The following TAF5L variants were observed in gnomAD, a reference collection of about 807,000 sequenced individuals.
TAF5L encodes the protein TAF5-like RNA polymerase II p300/CBP-associated factor-associated factor 65 kDa subunit 5L.
A neutral mutation model predicts 51.3 loss-of-function variants in TAF5L; 7 were observed. The ratio of observed to expected loss-of-function variants is 0.14; its 90% CI spans 0.08 to 0.26. The LOEUF is 0.26. Ranked by LOEUF, TAF5L falls within the 10% of genes least tolerant of loss-of-function variation. The pLI is 1.00. For synonymous variants in TAF5L, 291 were observed against 308.1 expected, an observed-to-expected ratio of 0.94 and a Z score of 0.58; for missense variants, 575 against 758.9, an observed-to-expected ratio of 0.76 and a Z score of 2.85.
intron 3 of TAF5L, among the ~76,000 whole-genome samples, chr1:229,609,102 G>T (rs72751755): frequency 0.26 from 39,571 of 152,192 alleles, 5,730 homozygotes; most frequent in South Asian, 0.41. Flanking sequence ...TGCCAGGATA[G>T]ATATTGTCCT....
At position 229,594,054 on chromosome 1, in the gene TAF5L, T is replaced by A; in HGVS notation, c.*243A>T. The A allele has an allele frequency of 2.1e-6, 1 of 471,564 alleles. No homozygotes were observed. Among genetic ancestry groups the A allele is most frequent in the Non-Finnish European group, 3.9e-6 (1 of 256,586 alleles). The allele number at this position is 471,564 out of a possible 1,614,324, so 29.2% of individuals were successfully genotyped here. On this transcript the variant is annotated 3_prime_UTR_variant, in exon 5 of 5. Coordinates refer to ENST00000258281, the Ensembl canonical transcript of TAF5L. The surrounding 1 kb of genome is among the most constrained non-coding windows in gnomAD (Gnocchi z 7.9). Reference sequence around the variant, plus strand: ...ACGGCAGAGTCTCCATGAGGACTTGTGAGTGACCTCCAGGGCACTCTAATT... The same window carrying A: ...ACGGCAGAGTCTCCATGAGGACTTGAGAGTGACCTCCAGGGCACTCTAATT...
chr1:229,596,311 C>T (rs1664123883), intron 4 of TAF5L, among the ~76,000 whole-genome samples: 1 of 151,998 alleles, frequency 6.6e-6, no homozygotes, highest in Non-Finnish European at 1.5e-5. Context: ...CAAACAAAAC[C>T]CAGAACTATC....
At chr1:229,596,141 G>A (rs1313369007) in intron 4 of TAF5L, among the ~76,000 whole-genome samples, 1 of 152,136 alleles carries the variant, frequency 6.6e-6, no homozygotes, top group Non-Finnish European at 1.5e-5. Flanking sequence ...GGGCATGGTG[G>A]CGCATGCCTG....
chr1:229,600,412 C>T, intron 4 of TAF5L: 1 of 985,348 alleles, frequency 1.0e-6, no homozygotes, highest in Non-Finnish European at 1.2e-6. Flanking sequence ...TTAAACAAAA[C>T]CACCATTCCA....
chr1:229,604,778 A>T (rs1486486120), intron 3 of TAF5L, among the ~76,000 whole-genome samples: 1 of 152,184 alleles, frequency 6.6e-6, no homozygotes, highest in Non-Finnish European at 1.5e-5. Context: ...CATGAATACC[A>T]GCAACCACCA....
At position 229,594,185 on chromosome 1, in the gene TAF5L, A is replaced by T. The variant is rs1664025384; in HGVS notation, c.*112T>A. On this transcript the variant is annotated 3_prime_UTR_variant, in exon 5 of 5. Transcript: ENST00000258281. This position sits in a 1 kb window ranked among gnomAD's most constrained non-coding sequence, Gnocchi z 7.9. ...CCTGCCCGGAATGAGGGCCCAGGAG[A>T]GAGGGGAGGAGGGGGCTCTTTCACA... 8.1e-7 allele frequency: 1 copy of T among 1,238,690 alleles called. No individual in the cohort carries two copies. The highest frequency in any genetic ancestry group is 1.5e-5 in the South Asian group (1 of 64,790). The allele number at this position is 1,238,690 out of a possible 1,614,324, so 76.7% of individuals were successfully genotyped here. A position where few individuals can be genotyped will look rare whatever the true frequency, so the allele number is the denominator to read the frequency against.
chr1:229,602,534 G>A lies in TAF5L; in HGVS notation c.633C>T (p.Ala211=), dbSNP rs1558146712. The A allele has an allele frequency of 1.9e-6, 3 of 1,614,186 alleles. No individual in the cohort carries two copies. Among genetic ancestry groups the A allele is most frequent in the Non-Finnish European group, 2.5e-6 (3 of 1,180,030 alleles). Residue 211 remains alanine, a synonymous_variant, in exon 4 of 5, where the codon GCC becomes GCT. Transcript: ENST00000258281. The surrounding 1 kb of genome is among the most constrained non-coding windows in gnomAD (Gnocchi z 4.6). ...TCTCACTGCGGGAGGAGCTGCCACT[G>A]GCATACAGCTGATAGTCTGTTCTCT...
chr1:229,606,478 G>A (rs1392531950), intron 3 of TAF5L: 1 of 985,212 alleles, frequency 1.0e-6, no homozygotes, highest in African/African-American at 1.7e-5. Context: ...TGAGTTCATG[G>A]AAATTAGTAG....
chr1:229,608,424 T>C (rs1314614627), intron 3 of TAF5L, among the ~76,000 whole-genome samples: 2 of 152,212 alleles, frequency 1.3e-5, no homozygotes, highest in African/African-American at 4.8e-5. Flanking sequence ...GTTCCATTAA[T>C]TCTGCATATC....
Position 229,606,741 on chromosome 1 carries a change from T to A in TAF5L, c.247+3365A>T, listed in dbSNP as rs1664609337. 3 of 985,324 alleles carry A rather than the reference T, an allele frequency of 3.0e-6. No homozygotes were observed. The Admixed American group carries it at 1.8e-4, about 61-fold the overall frequency. 61.0% of individuals were successfully genotyped at this position (985,324 alleles called of 1,614,324 possible). A position where few individuals can be genotyped will look rare whatever the true frequency, so the allele number is the denominator to read the frequency against. Reference sequence around the variant, plus strand: ...AGGTACTTTGCATCCATGATCATGTTTAAGAGTCACAGCTGGCCCTGGTTC... The same window carrying A: ...AGGTACTTTGCATCCATGATCATGTATAAGAGTCACAGCTGGCCCTGGTTC... On this transcript the variant is annotated intron_variant, in intron 3 of 4. Transcript: ENST00000258281.
intron 3 of TAF5L, among the ~76,000 whole-genome samples, chr1:229,608,715 T>C (rs1438490302): frequency 6.6e-6 from 1 of 152,192 alleles, no homozygotes; most frequent in East Asian, 1.9e-4. Flanking sequence ...GAAACAAATG[T>C]CTTGGCTGGG....
intron 4 of TAF5L, among the ~76,000 whole-genome samples, chr1:229,598,910 G>T (rs139440242): frequency 0.012 from 1,806 of 152,098 alleles, 77 homozygotes; most frequent in East Asian, 0.084. Flanking sequence ...TCTTGGCCAG[G>T]CTGGTCTTGA....
intron 3 of TAF5L, among the ~76,000 whole-genome samples, chr1:229,609,057 C>T (rs913552966): frequency 2.0e-5 from 3 of 152,148 alleles, no homozygotes; most frequent in Non-Finnish European, 2.9e-5. Flanking sequence ...CTCCTTCATT[C>T]GTTCAGCCTG....
chr1:229,612,951 T>C (rs553442755), intron 2 of TAF5L, among the ~76,000 whole-genome samples: 3 of 152,058 alleles, frequency 2.0e-5, no homozygotes, highest in East Asian at 1.9e-4. Flanking sequence ...CACACAGCCA[T>C]TGAAGTAGTT....
intron 3 of TAF5L, among the ~76,000 whole-genome samples, chr1:229,609,672 C>T (rs1209617574): frequency 1.3e-5 from 2 of 152,136 alleles, no homozygotes; most frequent in African/African-American, 2.4e-5. Flanking sequence ...GTGAAATGTA[C>T]TATATTATTA....
chr1:229,601,261 T>C lies in TAF5L; in HGVS notation c.972+934A>G, dbSNP rs538887097. The C allele has an allele frequency of 4.1e-6, 4 of 985,404 alleles. No individual in the cohort carries two copies. The Admixed American group carries it at 1.8e-4, about 45-fold the overall frequency. The allele number at this position is 985,404 out of a possible 1,614,324, so 61.0% of individuals were successfully genotyped here. On this transcript the variant is annotated intron_variant, in intron 4 of 4. Transcript: ENST00000258281. ...GCACCCAATATTCTTGACATCCTTA[T>C]CATTAACTGTAATTTAATTAGAGTG...
At chr1:229,611,583 C>A (rs1388366855) in intron 2 of TAF5L, among the ~76,000 whole-genome samples, 1 of 151,292 alleles carries the variant, frequency 6.6e-6, no homozygotes, top group African/African-American at 2.4e-5. Context: ...GGGAGGGACT[C>A]CTCCTCCTTC....
chr1:229,606,213 A>C (rs1664591351), intron 3 of TAF5L: 1 of 982,752 alleles, frequency 1.0e-6, no homozygotes, highest in South Asian at 4.7e-5. Flanking sequence ...AAACAAAAAA[A>C]CTGATCAATT....
chr1:229,617,085 C>T (rs1452529530), intron 1 of TAF5L, among the ~76,000 whole-genome samples: 1 of 152,084 alleles, frequency 6.6e-6, no homozygotes, highest in Admixed American at 6.5e-5. Context: ...TTTAATTAAG[C>T]TGTTTTTTTA....
Sources: gnomAD v4.1 joint callset for allele counts (sites outside exome capture counted in the v4.1 genomes callset) on GRCh38, gnomAD v4.1.1 for gene constraint, Gnocchi (gnomAD v3.1) non-coding constraint, MANE v1.5 for transcripts, NCBI Gene and HGNC (gene_info 2026-07-23, HGNC 2026-07-21) for gene names.